The following FAM184B variants were observed in gnomAD, a reference collection of about 807,000 sequenced individuals.
FAM184B encodes the protein family with sequence similarity 184 member B.
In FAM184B, 111 loss-of-function variants were observed where a neutral mutation model predicts 135.9. The observed-to-expected ratio is 0.82, with a 90% CI of 0.70 to 0.96. The LOEUF (loss-of-function observed/expected upper bound fraction) is 0.96, where lower values mean the gene tolerates loss of function less well. FAM184B is among the 40% of genes least tolerant of loss of function. The pLI, the probability that FAM184B is intolerant of heterozygous loss-of-function variation, is 0.00. For synonymous variants in FAM184B, 552 were observed against 524.8 expected, an observed-to-expected ratio of 1.05 and a Z score of -0.71; for missense variants, 1,375 against 1,323.9, an observed-to-expected ratio of 1.04 and a Z score of -0.60.
At chr4:17,776,353 G>A (rs1370289124) in intron 1 of FAM184B, among the ~76,000 whole-genome samples, 1 of 152,170 alleles carries the variant, frequency 6.6e-6, no homozygotes. Context: ...GAAATGGATG[G>A]ATAAGTAAAT....
intron 1 of FAM184B, among the ~76,000 whole-genome samples, chr4:17,720,171 T>G (rs1717486281): frequency 6.6e-6 from 1 of 152,194 alleles, no homozygotes; most frequent in Non-Finnish European, 1.5e-5. Flanking sequence ...ACTCCCAAAT[T>G]TATATGACCA....
chr4:17,729,446 C>T (rs1717721482), intron 1 of FAM184B, among the ~76,000 whole-genome samples: 1 of 152,232 alleles, frequency 6.6e-6, no homozygotes, highest in Non-Finnish European at 1.5e-5. Context: ...GGGCAGACTG[C>T]CTCCTCAAGC....
At chr4:17,755,748 G>T (rs1183739167) in intron 1 of FAM184B, among the ~76,000 whole-genome samples, 1 of 152,182 alleles carries the variant, frequency 6.6e-6, no homozygotes, top group Non-Finnish European at 1.5e-5. Flanking sequence ...ATGAGATCAA[G>T]TCCTTTGCAG....
chr4:17,717,458 C>T lies in FAM184B; in HGVS notation c.142-7814G>A, dbSNP rs6814230. 7.0e-3 allele frequency among the ~76,000 whole-genome samples: 1,065 copies of T among 152,236 alleles called. 13 individuals are homozygous for T. The highest frequency in any genetic ancestry group is 0.023 in the African/African-American group (967 of 41,534). ...CTTCTGCCATCTGCTTGCTTGCTTT[C>T]ACTCACCACCTTCTAGACTGGAACA... is the stretch of plus-strand genomic sequence containing the variant. On this transcript the variant is annotated intron_variant, in intron 1 of 17. Coordinates refer to ENST00000265018, the MANE Select transcript of FAM184B (RefSeq NM_015688.2).
chr4:17,664,546 G>A lies in FAM184B; in HGVS notation c.1694+16C>T. 6.5e-7 allele frequency: 1 copy of A among 1,535,500 alleles called. No individual in the cohort carries two copies. Among genetic ancestry groups the A allele is most frequent in the Non-Finnish European group, 8.8e-7 (1 of 1,133,992 alleles). ...CATTCAATGGAGCACTCAGAAGTCTGCATGTCCTCCTGTACCTTTCTTCTT... is the reference window on the plus strand; with the variant it reads ...CATTCAATGGAGCACTCAGAAGTCTACATGTCCTCCTGTACCTTTCTTCTT... On this transcript the variant is annotated intron_variant, in intron 8 of 17. Transcript: ENST00000265018.
intron 7 of FAM184B, among the ~76,000 whole-genome samples, chr4:17,683,238 G>T (rs1418912887): frequency 6.6e-6 from 1 of 152,138 alleles, no homozygotes; most frequent in Admixed American, 6.5e-5. Flanking sequence ...TGCTGGTGGG[G>T]GCACAGAGCA....
intron 2 of FAM184B, among the ~76,000 whole-genome samples, 187 bp downstream of exon 2, chr4:17,708,705 A>C (rs1409732791): frequency 1.6e-4 from 9 of 55,964 alleles, no homozygotes; most frequent in East Asian, 8.0e-4. Context: ...ATATATATAT[A>C]TATAGTGTCT....
intron 5 of FAM184B, among the ~76,000 whole-genome samples, chr4:17,702,347 G>A (rs1448092283): frequency 6.6e-6 from 1 of 152,124 alleles, no homozygotes; most frequent in Admixed American, 6.5e-5. Context: ...GTATGCAAAT[G>A]CTAATTATAG....
intron 1 of FAM184B, among the ~76,000 whole-genome samples, chr4:17,714,042 C>T (rs1273250658): frequency 6.6e-6 from 1 of 152,132 alleles, no homozygotes; most frequent in Non-Finnish European, 1.5e-5. Flanking sequence ...TGGCCAATCC[C>T]CTTTTCCATG....
chr4:17,750,119 A>G (rs2108987924), intron 1 of FAM184B, among the ~76,000 whole-genome samples: 1 of 152,340 alleles, frequency 6.6e-6, no homozygotes, highest in South Asian at 2.1e-4. Flanking sequence ...CAGAAGTGAA[A>G]TTTGAGGATG....
intron 1 of FAM184B, among the ~76,000 whole-genome samples, chr4:17,751,745 G>A (rs1718296938): frequency 6.7e-6 from 1 of 149,558 alleles, no homozygotes. Flanking sequence ...ATTGCTCCAG[G>A]GAAGTCCAGC....
intron 1 of FAM184B, among the ~76,000 whole-genome samples, chr4:17,765,922 C>T (rs1055530459): frequency 1.3e-5 from 2 of 152,072 alleles, no homozygotes; most frequent in Non-Finnish European, 2.9e-5. Context: ...AGTGTTACAG[C>T]TCTTAAAGCA....
At chr4:17,655,805 C>A (rs1342032712) in intron 10 of FAM184B, among the ~76,000 whole-genome samples, 1 of 152,182 alleles carries the variant, frequency 6.6e-6, no homozygotes, top group South Asian at 2.1e-4. Flanking sequence ...TAAAAGTGAA[C>A]CTTTTAAAAA....
At chr4:17,684,151 TATAATAAAATATA>T (rs1716517270) in intron 7 of FAM184B, among the ~76,000 whole-genome samples, 1 of 145,914 alleles carries the variant, frequency 6.9e-6, no homozygotes, top group Non-Finnish European at 1.5e-5. Context: ...AAAATAATTA[TATAATAAAATATA>T]ATATAAAATA....
chr4:17,706,257 C>A (rs1717116679), intron 3 of FAM184B, among the ~76,000 whole-genome samples: 1 of 152,140 alleles, frequency 6.6e-6, no homozygotes, highest in African/African-American at 2.4e-5. Flanking sequence ...CTAAGTTTTC[C>A]TCCCATATTC....
intron 17 of FAM184B, chr4:17,633,401 T>A (rs1227431726): frequency 7.5e-6 from 2 of 265,520 alleles, no homozygotes; most frequent in Non-Finnish European, 1.4e-5. Flanking sequence ...ATCTTAATTT[T>A]AAAGGCAAGG....
intron 12 of FAM184B, 83 bp downstream of exon 12, chr4:17,647,554 G>A: frequency 2.1e-6 from 3 of 1,461,486 alleles, no homozygotes; most frequent in Non-Finnish European, 9.2e-7. Flanking sequence ...CAGCCTCAGA[G>A]CCCATCCTTT....
chr4:17,746,726 G>A (rs1718174519), intron 1 of FAM184B, among the ~76,000 whole-genome samples: 2 of 144,328 alleles, frequency 1.4e-5, no homozygotes, highest in African/African-American at 5.3e-5. Context: ...AGCGAGACAC[G>A]GTCTCAAAAA....
At chr4:17,719,999 C>A (rs1044943825) in intron 1 of FAM184B, among the ~76,000 whole-genome samples, 20 of 152,158 alleles carry the variant, frequency 1.3e-4, no homozygotes, top group African/African-American at 3.6e-4. Context: ...GACCGCTGAC[C>A]ACTCCTTCTC....
Sources: gnomAD v4.1 joint callset for allele counts (sites outside exome capture counted in the v4.1 genomes callset) on GRCh38, gnomAD v4.1.1 for gene constraint, MANE v1.5 for transcripts, NCBI Gene and HGNC (gene_info 2026-07-23, HGNC 2026-07-21) for gene names.